The following CDH7 variants were observed in gnomAD, a reference collection of about 807,000 sequenced individuals.
The protein encoded by CDH7 is cadherin-7.
A neutral mutation model predicts 71.8 loss-of-function variants in CDH7; 25 were observed. That is an observed-to-expected ratio of 0.35 (90% CI 0.25 to 0.49). The LOEUF (loss-of-function observed/expected upper bound fraction) is 0.49. Among genes scored for constraint, CDH7 ranks in the 20% least tolerant of loss-of-function variants. CDH7 has a pLI of 0.99. For synonymous variants in CDH7, 381 were observed against 363.8 expected (o/e 1.05, Z -0.54); for missense variants, 862 against 974.6 (o/e 0.88, Z 1.54).
chr18:65,800,434 C>A (rs921751171), intron 2 of CDH7, among the ~76,000 whole-genome samples: 1 of 152,104 alleles, frequency 6.6e-6, no homozygotes, highest in African/African-American at 2.4e-5. Context: ...CTATTTCCAG[C>A]ACCAATATTA....
rs1265785720 is a variant in CDH7 at position 65,841,888 on chromosome 18, A to C, written c.982-1924A>C. On this transcript the variant is annotated intron_variant, in intron 6 of 11. Transcript: ENST00000397968. ...TGGACAAGACCGACTCTTAGATAAT[A>C]AACAAACAAAAAATGTTAGCCTCAT... Among the ~76,000 whole-genome samples the C allele has an allele frequency of 2.0e-5, 3 of 152,256 alleles. No individual in the cohort carries two copies. The South Asian group carries it at 6.2e-4, about 32-fold the overall frequency.
At chr18:65,758,311 C>T (rs1190721572) in intron 1 of CDH7, among the ~76,000 whole-genome samples, 1 of 152,166 alleles carries the variant, frequency 6.6e-6, no homozygotes. Flanking sequence ...GCTATACTCG[C>T]CTTTCTCTTG....
rs1218048198 is a variant in CDH7 at position 65,884,786 on chromosome 18, T to G, written c.*3892T>G. ...GTTTTAAAGCACTAGCTGTAAATATTAATCTTCAGATTTTCAATTTAACAT... is the reference window on the plus strand; with the variant it reads ...GTTTTAAAGCACTAGCTGTAAATATGAATCTTCAGATTTTCAATTTAACAT... On this transcript the variant is annotated 3_prime_UTR_variant, in exon 12 of 12. Transcript: ENST00000397968. 1 of 152,230 alleles carries G rather than the reference T, an allele frequency of 6.6e-6. No individual in the cohort carries two copies. Among genetic ancestry groups the G allele is most frequent in the Non-Finnish European group, 1.5e-5 (1 of 68,036 alleles). 9.4% of individuals were successfully genotyped at this position (152,230 alleles called of 1,614,324 possible). A position where few individuals can be genotyped will look rare whatever the true frequency, so the allele number is the denominator to read the frequency against.
intron 11 of CDH7, among the ~76,000 whole-genome samples, chr18:65,867,668 A>G (rs1316318791): frequency 1.3e-5 from 2 of 152,200 alleles, no homozygotes; most frequent in Non-Finnish European, 2.9e-5. Flanking sequence ...TTCTTGCACA[A>G]TAAGGCTGCC....
At chr18:65,879,898 T>C (rs1914170044) in intron 11 of CDH7, among the ~76,000 whole-genome samples, 3 of 152,200 alleles carry the variant, frequency 2.0e-5, no homozygotes, top group Non-Finnish European at 4.4e-5. Flanking sequence ...ACATGCTGGA[T>C]TTTATTTAAC....
chr18:65,877,108 AT>A (rs1384502638), intron 11 of CDH7, among the ~76,000 whole-genome samples: 1 of 152,288 alleles, frequency 6.6e-6, no homozygotes, highest in East Asian at 1.9e-4. Flanking sequence ...ATTAAATTCT[AT>A]TTTTTATATG....
intron 6 of CDH7, among the ~76,000 whole-genome samples, chr18:65,842,962 GT>G (rs1337500277): frequency 6.6e-6 from 1 of 151,674 alleles, no homozygotes; most frequent in Non-Finnish European, 1.5e-5. Context: ...ATAAAAAGCT[GT>G]TACTTTCTGT....
chr18:65,848,075 A>G (rs1172423689), intron 7 of CDH7, among the ~76,000 whole-genome samples: 1 of 152,058 alleles, frequency 6.6e-6, no homozygotes, highest in African/African-American at 2.4e-5. Context: ...TTTGGCCCTA[A>G]GTACTCAATA....
intron 11 of CDH7, among the ~76,000 whole-genome samples, chr18:65,877,439 TAAAG>T (rs951155846): frequency 3.9e-5 from 6 of 152,062 alleles, no homozygotes; most frequent in Admixed American, 1.3e-4. Context: ...TTATTATAAT[TAAAG>T]AATTTATAAT....
chr18:65,846,697 A>G (rs1912946828), intron 7 of CDH7, among the ~76,000 whole-genome samples: 1 of 152,158 alleles, frequency 6.6e-6, no homozygotes, highest in Non-Finnish European at 1.5e-5. Context: ...TCTCTGGAAG[A>G]CTGGTTCCCT....
chr18:65,814,688 C>G, intron 4 of CDH7, 84 bp downstream of exon 4: 1 of 1,188,848 alleles, frequency 8.4e-7, no homozygotes. Flanking sequence ...ATAGTTGACA[C>G]TAATAACATA....
chr18:65,778,753 C>G (rs1368108925), intron 2 of CDH7, among the ~76,000 whole-genome samples: 1 of 150,310 alleles, frequency 6.7e-6, no homozygotes, highest in Non-Finnish European at 1.5e-5. Flanking sequence ...GATTCAGGGT[C>G]TTTAAAAGCT....
intron 7 of CDH7, among the ~76,000 whole-genome samples, chr18:65,850,580 TTTATTATTATTATTA>T (rs138534553): frequency 0.084 from 12,466 of 147,576 alleles, 645 homozygotes; most frequent in African/African-American, 0.13. Context: ...CTGCAGAGGT[TTTATTATTATTATTA>T]TTATTATTAT....
In CDH7 at chr18:65,881,154, T is replaced by A. The variant is rs1012120466; in HGVS notation, c.*260T>A. The A allele has an allele frequency of 2.5e-4, 84 of 331,340 alleles. No individual in the cohort carries two copies. Among genetic ancestry groups the A allele is most frequent in the Non-Finnish European group, 2.8e-4 (52 of 182,810 alleles). 20.5% of individuals were successfully genotyped at this position (331,340 alleles called of 1,614,324 possible). On this transcript the variant is annotated 3_prime_UTR_variant, in exon 12 of 12. Coordinates refer to ENST00000397968, the MANE Select transcript of CDH7 (RefSeq NM_004361.5). ...TTTTTTGATAAAAATAAATGCTCAG[T>A]GGTTTGTGAATAGATAGCAACTCTC...
chr18:65,765,714 T>G (rs1916340042), intron 2 of CDH7, among the ~76,000 whole-genome samples: 1 of 152,138 alleles, frequency 6.6e-6, no homozygotes, highest in South Asian at 2.1e-4. Flanking sequence ...AGTGATGACT[T>G]TGATACATTT....
At chr18:65,808,079 A>G (rs1201877617) in intron 2 of CDH7, among the ~76,000 whole-genome samples, 2 of 152,116 alleles carry the variant, frequency 1.3e-5, no homozygotes, top group Non-Finnish European at 2.9e-5. Flanking sequence ...GCCTTTCTTT[A>G]CCTCAGTTTC....
In CDH7 at chr18:65,880,938, C is replaced by T. The variant is rs768810083; in HGVS notation, c.*44C>T. ...AAATGTACTGAAGAAAAAGTAACAG[C>T]AAAAAATAAAATAAAATGAAATAAA... On this transcript the variant is annotated 3_prime_UTR_variant, in exon 12 of 12. Transcript: ENST00000397968. The T allele has an allele frequency of 6.6e-7, 1 of 1,513,072 alleles. No individual in the cohort carries two copies. Among genetic ancestry groups the T allele is most frequent in the Non-Finnish European group, 8.9e-7 (1 of 1,129,448 alleles). The allele number at this position is 1,513,072 out of a possible 1,614,324, so 93.7% of individuals were successfully genotyped here. A position where few individuals can be genotyped will look rare whatever the true frequency, so the allele number is the denominator to read the frequency against.
chr18:65,867,436 A>G (rs1913798516), intron 11 of CDH7, among the ~76,000 whole-genome samples: 1 of 152,150 alleles, frequency 6.6e-6, no homozygotes, highest in Admixed American at 6.6e-5. Context: ...ACAGACATAC[A>G]CAATTATTCT....
chr18:65,762,711 T>A lies in CDH7; in HGVS notation c.-132T>A. On this transcript the variant is annotated 5_prime_UTR_variant, in exon 2 of 12. Transcript: ENST00000397968. ...GTGGTGACCTCTTCCAATCCAACAC[T>A]CTACAGATTATTATCTCTGGACTCC... The A allele has an allele frequency of 1.5e-6, 1 of 682,270 alleles. No individual in the cohort carries two copies. The highest frequency in any genetic ancestry group is 2.4e-6 in the Non-Finnish European group (1 of 408,820). 42.3% of individuals were successfully genotyped at this position (682,270 alleles called of 1,614,324 possible). A position where few individuals can be genotyped will look rare whatever the true frequency, so the allele number is the denominator to read the frequency against.
Sources: allele counts gnomAD v4.1 joint callset (sites outside exome capture counted in the v4.1 genomes callset), GRCh38; gene constraint gnomAD v4.1.1; transcripts MANE v1.5; gene names NCBI Gene and HGNC (gene_info 2026-07-23, HGNC 2026-07-21).